SPOCK1: variants seen among roughly 807,000 people sequenced by gnomAD.
The protein encoded by SPOCK1 is testican-1.
Under a neutral mutation model 55.3 loss-of-function variants are expected in SPOCK1, and 23 were observed. That is an observed-to-expected ratio of 0.42 (90% CI 0.30 to 0.59). The LOEUF (loss-of-function observed/expected upper bound fraction) is 0.59. Ranked by LOEUF, SPOCK1 falls within the 20% of genes least tolerant of loss-of-function variation. SPOCK1 has a pLI of 0.22. For synonymous variants in SPOCK1, 226 were observed against 221.0 expected (o/e 1.02, Z -0.20); for missense variants, 499 against 552.5 (o/e 0.90, Z 0.97).
chr5:137,289,541 C>A (rs921026620), intron 2 of SPOCK1, among the ~76,000 whole-genome samples: 1 of 152,128 alleles, frequency 6.6e-6, no homozygotes, highest in African/African-American at 2.4e-5. Flanking sequence ...GGGAGAAAGA[C>A]AACAAGTTTC....
intron 2 of SPOCK1, among the ~76,000 whole-genome samples, chr5:137,289,605 C>A (rs1014285088): frequency 6.6e-6 from 1 of 152,146 alleles, no homozygotes; most frequent in African/African-American, 2.4e-5. Context: ...AGCTGTATAT[C>A]CTGCTCAACA....
At chr5:137,494,242 A>G (rs1754249198) in intron 2 of SPOCK1, among the ~76,000 whole-genome samples, 1 of 152,222 alleles carries the variant, frequency 6.6e-6, no homozygotes, top group African/African-American at 2.4e-5. Context: ...CACTGTGTCC[A>G]GCTGACTTCC....
chr5:137,246,137 A>G (rs1448392307), intron 3 of SPOCK1, among the ~76,000 whole-genome samples: 1 of 152,254 alleles, frequency 6.6e-6, no homozygotes, highest in Admixed American at 6.5e-5. Flanking sequence ...CTGAGAGGAA[A>G]CAGCAGAATG....
intron 2 of SPOCK1, among the ~76,000 whole-genome samples, chr5:137,402,615 G>T (rs1752007063): frequency 6.6e-6 from 1 of 152,142 alleles, no homozygotes. Context: ...AGCCCCCGGG[G>T]GTTAGACCTC....
chr5:137,354,269 C>A (rs968146479), intron 2 of SPOCK1, among the ~76,000 whole-genome samples: 20 of 152,198 alleles, frequency 1.3e-4, no homozygotes, highest in African/African-American at 4.6e-4. Flanking sequence ...TTACATCCTT[C>A]AATGCAGCCA....
intron 2 of SPOCK1, among the ~76,000 whole-genome samples, chr5:137,415,916 G>A (rs1349720124): frequency 6.6e-6 from 1 of 152,008 alleles, no homozygotes; most frequent in Non-Finnish European, 1.5e-5. Flanking sequence ...AGAAACCTAA[G>A]TAGATAAAAA....
intron 5 of SPOCK1, among the ~76,000 whole-genome samples, chr5:137,069,316 G>A (rs1752565827): frequency 6.6e-6 from 1 of 152,188 alleles, no homozygotes; most frequent in African/African-American, 2.4e-5. Flanking sequence ...CAGAATGCTG[G>A]CTCCCTCTTG....
At position 137,482,470 on chromosome 5, in the gene SPOCK1, A is replaced by G. The variant is rs190699488; in HGVS notation, c.186+15903T>C. ...GGGAAAGAGAAGATGCTCCCCCAGCACAGCCTCAAATGTATATTGACCATC... is the reference window on the plus strand; with the variant it reads ...GGGAAAGAGAAGATGCTCCCCCAGCGCAGCCTCAAATGTATATTGACCATC... On this transcript the variant is annotated intron_variant, in intron 2 of 10. Transcript: ENST00000394945. 1.3e-5 allele frequency among the ~76,000 whole-genome samples: 2 copies of G among 152,314 alleles called. 1 individual carries two copies. Among genetic ancestry groups the G allele is most frequent in the Admixed American group, 1.3e-4 (2 of 15,290 alleles).
chr5:137,095,507 T>C (rs986009825), intron 5 of SPOCK1, among the ~76,000 whole-genome samples: 4 of 152,218 alleles, frequency 2.6e-5, no homozygotes, highest in African/African-American at 9.6e-5. Flanking sequence ...AACAACCTTT[T>C]TGTGAGTGTT....
At chr5:137,161,110 T>C (rs1229575943) in intron 3 of SPOCK1, among the ~76,000 whole-genome samples, 3 of 146,998 alleles carry the variant, frequency 2.0e-5, no homozygotes, top group African/African-American at 7.4e-5. Flanking sequence ...ATATATCTAA[T>C]ATATAATATA....
chr5:137,461,739 G>A (rs927752295), intron 2 of SPOCK1, among the ~76,000 whole-genome samples: 1 of 152,198 alleles, frequency 6.6e-6, no homozygotes, highest in Non-Finnish European at 1.5e-5. Flanking sequence ...GCAAAATGCA[G>A]CCAAGTCTCA....
At chr5:137,449,145 T>C (rs781186537) in intron 2 of SPOCK1, among the ~76,000 whole-genome samples, 6 of 152,248 alleles carry the variant, frequency 3.9e-5, no homozygotes, top group Non-Finnish European at 7.3e-5. Context: ...TGGCACTCTT[T>C]CCAGCCTGCT....
At chr5:137,454,733 C>G (rs565423490) in intron 2 of SPOCK1, among the ~76,000 whole-genome samples, 1 of 152,180 alleles carries the variant, frequency 6.6e-6, no homozygotes, top group South Asian at 2.1e-4. Context: ...TTTGTTTTGG[C>G]AAAGGACAAT....
At chr5:137,117,013 G>T (rs555237516) in intron 4 of SPOCK1, among the ~76,000 whole-genome samples, 2 of 152,236 alleles carry the variant, frequency 1.3e-5, no homozygotes, top group African/African-American at 4.8e-5. Flanking sequence ...CTTCTGGTTG[G>T]GTTCTCTGAC....
chr5:137,076,533 T>G lies in SPOCK1; in HGVS notation c.475-8704A>C, dbSNP rs191013348. ...CACATTAGTCTACAGTGGGGCAAAA[T>G]TATCTAAGATAAAGCCTATTTAATA... On this transcript the variant is annotated intron_variant, in intron 5 of 10. Coordinates refer to ENST00000394945, the MANE Select transcript of SPOCK1 (RefSeq NM_004598.4). Among the ~76,000 whole-genome samples the G allele has an allele frequency of 3.4e-4, 51 of 149,586 alleles. No individual in the cohort carries two copies. In the East Asian group the frequency reaches 8.7e-3, roughly 25 times the overall value.
chr5:137,339,680 C>T (rs2348458), intron 2 of SPOCK1, among the ~76,000 whole-genome samples: 10,867 of 151,980 alleles, frequency 0.072, 866 homozygotes, highest in African/African-American at 0.19. Flanking sequence ...TGGAAGAGTC[C>T]AGACGGGTAC....
Position 137,467,716 on chromosome 5 carries a change from G to A in SPOCK1, c.186+30657C>T, listed in dbSNP as rs181559706. On this transcript the variant is annotated intron_variant, in intron 2 of 10. Coordinates refer to ENST00000394945, the MANE Select transcript of SPOCK1 (RefSeq NM_004598.4). ...AGTTAACCAGGTAAAGGGCAGGGCC[G>A]GTAAAGAGACAGCATTTCAGACACA... Among the ~76,000 whole-genome samples, 204 of 152,244 alleles carry A rather than the reference G, an allele frequency of 1.3e-3. 1 individual carries two copies. The Middle Eastern group carries it at 0.024, about 18-fold the overall frequency.
intron 2 of SPOCK1, among the ~76,000 whole-genome samples, chr5:137,490,874 G>T (rs867921618): frequency 5.9e-5 from 9 of 152,106 alleles, no homozygotes; most frequent in Non-Finnish European, 1.3e-4. Flanking sequence ...TTCCAGACTG[G>T]CAAGAAATGG....
At chr5:137,088,729 G>A (rs1753004127) in intron 5 of SPOCK1, among the ~76,000 whole-genome samples, 1 of 152,100 alleles carries the variant, frequency 6.6e-6, no homozygotes, top group Admixed American at 6.5e-5. Flanking sequence ...GGATCAATTA[G>A]CATATGATAC....
Sources: allele counts gnomAD v4.1 joint callset (sites outside exome capture counted in the v4.1 genomes callset), GRCh38; gene constraint gnomAD v4.1.1; transcripts MANE v1.5; gene names NCBI Gene and HGNC (gene_info 2026-07-23, HGNC 2026-07-21).